ABCB7: variants seen among roughly 807,000 people sequenced by gnomAD.
ABCB7 encodes the protein ATP binding cassette subfamily B member 7.
Under a neutral mutation model 54.4 loss-of-function variants are expected in ABCB7, and 7 were observed. The observed-to-expected ratio is 0.13, with a 90% CI of 0.07 to 0.24. The LOEUF is 0.24. ABCB7 is among the 10% of genes least tolerant of loss of function. ABCB7 has a pLI of 1.00. For missense variants in ABCB7, 356 were observed against 570.4 expected (o/e 0.62, Z 3.83); for synonymous variants, 218 against 207.1 (o/e 1.05, Z -0.45).
chrX:75,143,259 G>C (rs1340242623), intron 1 of ABCB7, among the ~76,000 whole-genome samples: 1 of 111,209 alleles, frequency 9.0e-6, no homozygotes, highest in Non-Finnish European at 1.9e-5. Flanking sequence ...GATTCTCTAG[G>C]GCAGGGGCAA....
rs2081205692 is a variant in ABCB7, at chrX:75,052,815, C to CA, written c.*554dup. The CA allele has an allele frequency of 1.2e-5, 1 of 82,859 alleles. No individual in the cohort carries two copies. The highest frequency in any genetic ancestry group is 1.3e-4 in the Admixed American group (1 of 7,725). 6.8% of individuals were successfully genotyped at this position (82,859 alleles called of 1,213,427 possible). On this transcript the variant is annotated 3_prime_UTR_variant, in exon 16 of 16. Transcript: ENST00000373394. ...CAACAAAAAACAAAAAACAACAAAA[C>CA]AAAAAAGAAAAAAGTAAGTAACCTA...
chrX:75,132,785 C>T lies in ABCB7; in HGVS notation c.169-17954G>A, dbSNP rs1403440206. Among the ~76,000 whole-genome samples the T allele has an allele frequency of 1.9e-4, 21 of 112,450 alleles. No individual in the cohort carries two copies. In the Admixed American group the frequency reaches 2.0e-3, roughly 11 times the overall value. ...GAAACCAAGAACAAGAATTCAGCCA[C>T]GAATAAAGACCCTGCGGCAAGCCTC... On this transcript the variant is annotated intron_variant, in intron 1 of 15. Coordinates refer to ENST00000373394, the MANE Select transcript of ABCB7 (RefSeq NM_001271696.3).
Position 75,085,851 on chromosome X carries a change from A to AT in ABCB7, c.454-9198dup, listed in dbSNP as rs111232342. On this transcript the variant is annotated intron_variant, in intron 4 of 15. Coordinates refer to ENST00000373394, the MANE Select transcript of ABCB7 (RefSeq NM_001271696.3). ...CACGAGAAATAAAGGAACTTTAAAT[A>AT]TTTTTTTTTTTTTGAGATGGAGTCT... Among the ~76,000 whole-genome samples the AT allele has an allele frequency of 0.016, 1,706 of 103,649 alleles. 161 individuals carry two copies. The East Asian group carries it at 0.35, about 21-fold the overall frequency. 90.0% of individuals were successfully genotyped at this position (103,649 alleles called of 115,157 possible).
At chrX:75,087,217 T>G (rs888344236) in intron 4 of ABCB7, among the ~76,000 whole-genome samples, 2 of 111,682 alleles carry the variant, frequency 1.8e-5, no homozygotes, top group African/African-American at 6.5e-5. Context: ...AGCTCACTCT[T>G]AAATTCTTTC....
At chrX:75,155,399 A>T (rs1569253872) in intron 1 of ABCB7, among the ~76,000 whole-genome samples, 1 of 112,718 alleles carries the variant, frequency 8.9e-6, no homozygotes, top group Non-Finnish European at 1.9e-5. Context: ...TTTTTTAAAA[A>T]ACCGTTCCTG....
intron 1 of ABCB7, among the ~76,000 whole-genome samples, chrX:75,132,232 G>A (rs1483692172): frequency 8.9e-6 from 1 of 111,864 alleles, no homozygotes; most frequent in Non-Finnish European, 1.9e-5. Flanking sequence ...AAGATCCTGA[G>A]TGCTTCACTC....
chrX:75,058,469 C>T (rs531543486), intron 15 of ABCB7, among the ~76,000 whole-genome samples: 2 of 111,701 alleles, frequency 1.8e-5, no homozygotes, highest in South Asian at 7.4e-4. Context: ...CTAGATATGC[C>T]GTCTTAACAT....
chrX:75,078,497 GTATC>G (rs1374882982), intron 4 of ABCB7, among the ~76,000 whole-genome samples: 1 of 111,513 alleles, frequency 9.0e-6, no homozygotes, highest in Non-Finnish European at 1.9e-5. Flanking sequence ...GGATTTTAGT[GTATC>G]TATCACCCAA....
chrX:75,154,874 C>T (rs1312153733), intron 1 of ABCB7, among the ~76,000 whole-genome samples: 3 of 95,557 alleles, frequency 3.1e-5, no homozygotes, highest in Non-Finnish European at 6.6e-5. Context: ...TTTGTTTGCT[C>T]CTGTAGAGGT....
intron 1 of ABCB7, among the ~76,000 whole-genome samples, chrX:75,145,234 A>G (rs1406843443): frequency 1.8e-5 from 2 of 111,421 alleles, no homozygotes; most frequent in Non-Finnish European, 3.8e-5. Flanking sequence ...TCATTCTGAG[A>G]CCAGCATCAT....
intron 12 of ABCB7, among the ~76,000 whole-genome samples, chrX:75,065,976 A>G (rs2081315139): frequency 8.9e-6 from 1 of 111,816 alleles, no homozygotes; most frequent in South Asian, 3.7e-4. Flanking sequence ...TTTTGTTTAA[A>G]TTAGCATTTC....
chrX:75,106,450 T>C (rs2081702679), intron 3 of ABCB7, among the ~76,000 whole-genome samples: 1 of 111,881 alleles, frequency 8.9e-6, no homozygotes, highest in Admixed American at 9.4e-5. Flanking sequence ...ATTAAATAAT[T>C]AAAAAACAAC....
intron 1 of ABCB7, among the ~76,000 whole-genome samples, chrX:75,154,017 C>T (rs928763873): frequency 2.7e-5 from 3 of 109,791 alleles, no homozygotes; most frequent in African/African-American, 9.9e-5. Flanking sequence ...TAATCTTAAT[C>T]ACAAGTCACA....
In ABCB7 at chrX:75,125,124, A is replaced by G. The variant is rs1015239722; in HGVS notation, c.169-10293T>C. On this transcript the variant is annotated intron_variant, in intron 1 of 15. Transcript: ENST00000373394. ...TAAATTACCTCGAAAATTATTTGAA[A>G]CTCATATAAGATAGCATTTTCATTT... Among the ~76,000 whole-genome samples, 5 of 111,598 alleles carry G rather than the reference A, an allele frequency of 4.5e-5. No homozygotes were observed. The South Asian group carries it at 1.1e-3, about 25-fold the overall frequency.
intron 15 of ABCB7, among the ~76,000 whole-genome samples, chrX:75,054,019 G>C (rs756005354): frequency 1.7e-4 from 19 of 111,625 alleles, no homozygotes; most frequent in Non-Finnish European, 3.6e-4. Context: ...AAATAAAAAA[G>C]ATTTCATAAA....
intron 1 of ABCB7, among the ~76,000 whole-genome samples, chrX:75,127,496 C>A (rs2081942301): frequency 8.9e-6 from 1 of 111,781 alleles, no homozygotes; most frequent in South Asian, 3.7e-4. Context: ...TGAAAACTGG[C>A]ACAAGGACAT....
At chrX:75,151,099 T>C (rs1414423808) in intron 1 of ABCB7, among the ~76,000 whole-genome samples, 4 of 111,725 alleles carry the variant, frequency 3.6e-5, no homozygotes, top group Admixed American at 2.9e-4. Context: ...AGAAGGTCTA[T>C]GGCTTTGATC....
chrX:75,138,431 T>A (rs1424992233), intron 1 of ABCB7, among the ~76,000 whole-genome samples: 1 of 112,347 alleles, frequency 8.9e-6, no homozygotes, highest in African/African-American at 3.2e-5. Flanking sequence ...TAGTTTTGAC[T>A]GCTTTAAAAT....
intron 1 of ABCB7, among the ~76,000 whole-genome samples, chrX:75,153,774 A>ATATATATATATATAT (rs1555960369): frequency 1.2e-5 from 1 of 85,835 alleles, no homozygotes; most frequent in African/African-American, 3.9e-5. Flanking sequence ...ATATATATAT[A>ATATATATATATATAT]AAATATATAT....
Sources: gnomAD v4.1 joint callset for allele counts (sites outside exome capture counted in the v4.1 genomes callset) on GRCh38, gnomAD v4.1.1 for gene constraint, MANE v1.5 for transcripts, NCBI Gene and HGNC (gene_info 2026-07-23, HGNC 2026-07-21) for gene names.